The following AGBL1 variants were observed in gnomAD, a reference collection of about 807,000 sequenced individuals.
The protein encoded by AGBL1 is cytosolic carboxypeptidase 4.
Under a neutral mutation model 118.9 loss-of-function variants are expected in AGBL1, and 130 were observed. The observed-to-expected ratio is 1.09, with a 90% CI of 0.95 to 1.26. The LOEUF is 1.26. Among genes scored for constraint, AGBL1 ranks in the 50% most tolerant of loss-of-function variants. The pLI is 0.00. For missense variants in AGBL1, 1,584 were observed against 1,298.1 expected (o/e 1.22, Z -3.38); for synonymous variants, 555 against 478.9 (o/e 1.16, Z -2.08).
intron 21 of AGBL1, among the ~76,000 whole-genome samples, chr15:86,649,032 C>T (rs763386459): frequency 4.5e-4 from 69 of 151,956 alleles, no homozygotes; most frequent in Non-Finnish European, 7.4e-4. Context: ...AGAAATGATA[C>T]CATGTTTGAA....
At chr15:86,506,892 T>C (rs1205241668) in intron 18 of AGBL1, among the ~76,000 whole-genome samples, 2 of 152,106 alleles carry the variant, frequency 1.3e-5, no homozygotes, top group East Asian at 1.9e-4. Flanking sequence ...TCATATCATG[T>C]AGGATAATTT....
At chr15:86,965,002 G>A (rs759925734) in intron 23 of AGBL1, among the ~76,000 whole-genome samples, 26 of 152,170 alleles carry the variant, frequency 1.7e-4, no homozygotes, top group Non-Finnish European at 3.4e-4. Context: ...TGGTGTATAT[G>A]TGCCACATTT....
chr15:86,569,843 A>C (rs533918651), intron 21 of AGBL1, among the ~76,000 whole-genome samples: 1 of 152,324 alleles, frequency 6.6e-6, no homozygotes, highest in South Asian at 2.1e-4. Context: ...AATAAGGAGG[A>C]GATCTGGCAC....
At chr15:86,380,784 T>C (rs1469895279) in intron 17 of AGBL1, among the ~76,000 whole-genome samples, 1 of 152,236 alleles carries the variant, frequency 6.6e-6, no homozygotes, top group Non-Finnish European at 1.5e-5. Context: ...TGAAAGCTAC[T>C]CATTCTCATT....
chr15:86,781,963 G>A (rs1022390585), intron 22 of AGBL1, among the ~76,000 whole-genome samples: 1 of 151,084 alleles, frequency 6.6e-6, no homozygotes, highest in Non-Finnish European at 1.5e-5. Context: ...GTTTCTCTTT[G>A]TCCTTCCCTC....
intron 18 of AGBL1, among the ~76,000 whole-genome samples, chr15:86,476,535 C>T (rs2082561401): frequency 6.6e-6 from 1 of 152,164 alleles, no homozygotes; most frequent in Non-Finnish European, 1.5e-5. Context: ...AGCTAACCAT[C>T]CTAAATATAT....
intron 5 of AGBL1, among the ~76,000 whole-genome samples, 163 bp downstream of exon 5, chr15:86,159,189 C>T (rs993020996): frequency 6.6e-6 from 1 of 152,158 alleles, no homozygotes; most frequent in Non-Finnish European, 1.5e-5. Context: ...CATCCCTCCA[C>T]ACCCATGAGT....
chr15:86,498,923 G>A (rs1368490109), intron 18 of AGBL1, among the ~76,000 whole-genome samples: 3 of 151,846 alleles, frequency 2.0e-5, no homozygotes, highest in African/African-American at 7.2e-5. Flanking sequence ...ATGACCATGA[G>A]GCAGTTAGCA....
intron 17 of AGBL1, among the ~76,000 whole-genome samples, chr15:86,372,169 G>T (rs1271619392): frequency 1.3e-5 from 2 of 152,204 alleles, no homozygotes; most frequent in Non-Finnish European, 1.5e-5. Flanking sequence ...TATGAGTTCT[G>T]TGCAGACTCC....
intron 21 of AGBL1, among the ~76,000 whole-genome samples, chr15:86,651,194 G>T (rs1435899737): frequency 2.6e-5 from 4 of 152,076 alleles, no homozygotes; most frequent in Non-Finnish European, 5.9e-5. Flanking sequence ...TAGCTATCAT[G>T]GTGAGGCCCA....
Position 86,504,902 on chromosome 15 carries a change from T to C in AGBL1, c.2556-17908T>C, listed in dbSNP as rs546606467. ...ATTCTTGTTACTGTCTAGTGTCTTT[T>C]CATTTAAGCCTGAAGCCTTCCCTTT... On this transcript the variant is annotated intron_variant, in intron 18 of 22. Transcript: ENST00000614907. 1.8e-3 allele frequency among the ~76,000 whole-genome samples: 270 copies of C among 151,932 alleles called. 8 individuals carry two copies. In the South Asian group the frequency reaches 0.054, roughly 30 times the overall value.
intron 18 of AGBL1, among the ~76,000 whole-genome samples, chr15:86,422,520 A>G (rs754918059): frequency 3.3e-5 from 5 of 152,226 alleles, no homozygotes; most frequent in Non-Finnish European, 5.9e-5. Flanking sequence ...CGACAAGCTA[A>G]CATCATAATT....
At chr15:86,133,835 T>C (rs1369807806) in intron 1 of AGBL1, among the ~76,000 whole-genome samples, 1 of 152,206 alleles carries the variant, frequency 6.6e-6, no homozygotes, top group African/African-American at 2.4e-5. Flanking sequence ...TATATGCCAT[T>C]TATTTTTTTA....
At chr15:86,924,968 G>C (rs1596639955) in intron 23 of AGBL1, among the ~76,000 whole-genome samples, 1 of 151,658 alleles carries the variant, frequency 6.6e-6, no homozygotes, top group African/African-American at 2.4e-5. Flanking sequence ...TGGGCATGGT[G>C]GTGGGCACCT....
intron 18 of AGBL1, among the ~76,000 whole-genome samples, chr15:86,440,652 A>G (rs951487718): frequency 5.3e-5 from 8 of 152,202 alleles, no homozygotes; most frequent in African/African-American, 1.7e-4. Context: ...GTTAGCCCCA[A>G]GACACATATT....
intron 17 of AGBL1, among the ~76,000 whole-genome samples, chr15:86,378,464 C>T (rs1292117227): frequency 2.0e-5 from 3 of 152,114 alleles, no homozygotes; most frequent in East Asian, 1.9e-4. Context: ...TTGCCTCAGC[C>T]GAACAGAGGA....
intron 18 of AGBL1, among the ~76,000 whole-genome samples, chr15:86,409,118 AT>A (rs1404591814): frequency 4.6e-5 from 7 of 152,186 alleles, no homozygotes; most frequent in African/African-American, 1.7e-4. Context: ...TTCCCAAATC[AT>A]GGTCTGTAGA....
intron 1 of AGBL1, among the ~76,000 whole-genome samples, chr15:86,117,138 G>A (rs1369622365): frequency 1.3e-5 from 2 of 152,002 alleles, no homozygotes; most frequent in East Asian, 1.9e-4. Flanking sequence ...GAAATCTGGA[G>A]GTGAGTGTTC....
chr15:86,186,521 C>G (rs2077635739), intron 5 of AGBL1, among the ~76,000 whole-genome samples: 1 of 152,162 alleles, frequency 6.6e-6, no homozygotes, highest in Non-Finnish European at 1.5e-5. Context: ...CCAGGCCTTT[C>G]AAGCCACCAT....
Sources: gnomAD v4.1 joint callset for allele counts (sites outside exome capture counted in the v4.1 genomes callset) on GRCh38, gnomAD v4.1.1 for gene constraint, MANE v1.5 for transcripts, NCBI Gene and HGNC (gene_info 2026-07-23, HGNC 2026-07-21) for gene names.